Variants in MYO16 observed in about 807,000 individuals in gnomAD.
The protein encoded by MYO16 is myosin XVI, also known as unconventional myosin-XVI.
A neutral mutation model predicts 205.3 loss-of-function variants in MYO16; 94 were observed. That is an observed-to-expected ratio of 0.46 (90% CI 0.39 to 0.54). The LOEUF (loss-of-function observed/expected upper bound fraction) is 0.54. Among genes scored for constraint, MYO16 ranks in the 20% least tolerant of loss-of-function variants. MYO16 has a pLI of 0.00. For missense variants in MYO16, 2,315 were observed against 2,387.5 expected, an observed-to-expected ratio of 0.97 and a Z score of 0.63; for synonymous variants, 988 against 954.0, an observed-to-expected ratio of 1.04 and a Z score of -0.66.
At chr13:109,180,255 A>G (rs1379601434) in intron 34 of MYO16, among the ~76,000 whole-genome samples, 2 of 152,240 alleles carry the variant, frequency 1.3e-5, no homozygotes, top group Admixed American at 6.5e-5. Context: ...AGAAGAAGAA[A>G]AAAAGAACCC....
chr13:108,760,205 GA>G (rs1431603193), intron 4 of MYO16, among the ~76,000 whole-genome samples: 3 of 152,186 alleles, frequency 2.0e-5, no homozygotes, highest in Admixed American at 1.3e-4. Flanking sequence ...TTGGTTCTGA[GA>G]AACAGTTAAA....
chr13:108,908,987 A>AT (rs1417272914), intron 15 of MYO16, among the ~76,000 whole-genome samples: 1 of 148,920 alleles, frequency 6.7e-6, no homozygotes, highest in African/African-American at 2.5e-5. Context: ...AAAATAAAAT[A>AT]AAATAAATAA....
chr13:108,505,659 C>T, the MYO16 span, among the ~76,000 whole-genome samples: 1 of 152,030 alleles, frequency 6.6e-6, no homozygotes, highest in African/African-American at 2.4e-5. Context: ...CTTTGCTGCA[C>T]AGATTTTTGG....
At chr13:108,880,642 T>C (rs540786453) in intron 12 of MYO16, among the ~76,000 whole-genome samples, 5,161 of 152,260 alleles carry the variant, frequency 0.034, 287 homozygotes, top group African/African-American at 0.12. Flanking sequence ...TTTCTTGTTT[T>C]TGTCAGGTTT....
At chr13:108,798,946 C>T (rs1886887244) in intron 6 of MYO16, among the ~76,000 whole-genome samples, 2 of 147,676 alleles carry the variant, frequency 1.4e-5, no homozygotes, top group South Asian at 4.4e-4. Flanking sequence ...ACCTCATGAT[C>T]CACCCGCCTC....
chr13:108,524,360 C>G, the MYO16 span, among the ~76,000 whole-genome samples: 1 of 151,734 alleles, frequency 6.6e-6, no homozygotes, highest in Non-Finnish European at 1.5e-5. Flanking sequence ...TGGCACTTCC[C>G]CTGACTCTCT....
chr13:109,148,754 G>A (rs9514992), intron 32 of MYO16, among the ~76,000 whole-genome samples: 32,674 of 152,130 alleles, frequency 0.21, 3,968 homozygotes, highest in Middle Eastern at 0.3. Context: ...GTGCACACAC[G>A]GCATTTTCTG....
chr13:108,737,760 T>C (rs562542244), intron 4 of MYO16, among the ~76,000 whole-genome samples: 2 of 152,342 alleles, frequency 1.3e-5, no homozygotes, highest in South Asian at 4.1e-4. Context: ...TGAATCCTTC[T>C]AGTCCTGGAC....
intron 27 of MYO16, among the ~76,000 whole-genome samples, chr13:109,083,720 T>C (rs1179077185): frequency 6.6e-6 from 1 of 152,210 alleles, no homozygotes; most frequent in African/African-American, 2.4e-5. Flanking sequence ...TCAATGTTTA[T>C]AAGGGCAGGT....
chr13:108,573,053 ATC>A, the MYO16 span, among the ~76,000 whole-genome samples: 1 of 152,196 alleles, frequency 6.6e-6, no homozygotes. Flanking sequence ...AACATGCAGA[ATC>A]TCTCAATGCC....
intron 2 of MYO16, among the ~76,000 whole-genome samples, chr13:108,704,677 T>C (rs981139029): frequency 3.9e-5 from 6 of 152,066 alleles, no homozygotes; most frequent in African/African-American, 1.4e-4. Flanking sequence ...TAAACCTACA[T>C]TGACACAACC....
intron 1 of MYO16, among the ~76,000 whole-genome samples, chr13:108,598,708 G>A (rs79490345): frequency 0.047 from 7,108 of 152,106 alleles, 413 homozygotes; most frequent in African/African-American, 0.14. Flanking sequence ...ATCTCCTCTC[G>A]CACCATTTTT....
At chr13:108,967,292 C>T (rs149204678) in intron 20 of MYO16, among the ~76,000 whole-genome samples, 2 of 152,076 alleles carry the variant, frequency 1.3e-5, no homozygotes, top group African/African-American at 4.8e-5. Flanking sequence ...ATTTGTTACA[C>T]GATGGATTCA....
intron 34 of MYO16, among the ~76,000 whole-genome samples, chr13:109,202,302 C>A (rs562143383): frequency 6.6e-6 from 1 of 152,230 alleles, no homozygotes; most frequent in South Asian, 2.1e-4. Context: ...AGTGGTTTTA[C>A]TAGTTTACAT....
intron 22 of MYO16, among the ~76,000 whole-genome samples, chr13:109,009,340 G>A (rs934669258): frequency 1.3e-5 from 2 of 152,010 alleles, no homozygotes; most frequent in African/African-American, 4.8e-5. Flanking sequence ...AGTGCCTATT[G>A]TAAAAAAACA....
chr13:108,905,636 A>G (rs541918997), intron 15 of MYO16, among the ~76,000 whole-genome samples: 2 of 152,330 alleles, frequency 1.3e-5, no homozygotes, highest in East Asian at 3.9e-4. Flanking sequence ...CTGTTCACCA[A>G]AAACAGGTTG....
intron 34 of MYO16, among the ~76,000 whole-genome samples, chr13:109,183,503 G>A (rs911422097): frequency 9.9e-5 from 15 of 152,208 alleles, no homozygotes; most frequent in African/African-American, 3.6e-4. Context: ...TTGACATTGA[G>A]AAATGAGCTG....
chr13:108,617,926 T>C (rs573466576), intron 1 of MYO16, among the ~76,000 whole-genome samples: 29 of 152,146 alleles, frequency 1.9e-4, no homozygotes, highest in Non-Finnish European at 2.9e-4. Flanking sequence ...CACTCTCCTT[T>C]CCCTCACCAG....
In MYO16 at chr13:109,100,385, C is replaced by T. The variant is rs78874303; in HGVS notation, c.3336-400C>T. On this transcript the variant is annotated intron_variant, in intron 27 of 34. Coordinates refer to ENST00000457511, the MANE Select transcript of MYO16 (RefSeq NM_001198950.3). Reference sequence around the variant, plus strand: ...CCATTATTATGGACTCTAGTTACATCTGAATTCACGCTTAAGTGGCCATAA... The same window carrying T: ...CCATTATTATGGACTCTAGTTACATTTGAATTCACGCTTAAGTGGCCATAA... 2.7e-3 allele frequency among the ~76,000 whole-genome samples: 408 copies of T among 152,276 alleles called. 1 individual carries two copies. Among genetic ancestry groups the T allele is most frequent in the Non-Finnish European group, 4.9e-3 (333 of 68,016 alleles).
Sources: gnomAD v4.1 joint callset for allele counts (sites outside exome capture counted in the v4.1 genomes callset) on GRCh38, gnomAD v4.1.1 for gene constraint, MANE v1.5 for transcripts, NCBI Gene and HGNC (gene_info 2026-07-23, HGNC 2026-07-21) for gene names.